The following ARL15 variants were observed in gnomAD, a reference collection of about 807,000 sequenced individuals.
The protein encoded by ARL15 is ARF like GTPase 15, also known as ADP-ribosylation factor-like protein 15.
In ARL15, 19 loss-of-function variants were observed where a neutral mutation model predicts 25.2. That is an observed-to-expected ratio of 0.75 (90% CI 0.53 to 1.10). The LOEUF (loss-of-function observed/expected upper bound fraction) is 1.10, where lower values mean the gene tolerates loss of function less well. Ranked by LOEUF, ARL15 falls within the 50% of genes least tolerant of loss-of-function variation. ARL15 has a pLI of 0.00. For synonymous variants in ARL15, 94 were observed against 86.8 expected (o/e 1.08, Z -0.46); for missense variants, 220 against 246.0 (o/e 0.89, Z 0.71).
At position 54,032,907 on chromosome 5, in the gene ARL15, A is replaced by G. The variant is rs747332610; in HGVS notation, c.462+80295T>C. ...ATTAACAGGCCACCTTGAACTAAAAATGTTGGTTAATGTTTTACTTGATCC... is the reference window on the plus strand; with the variant it reads ...ATTAACAGGCCACCTTGAACTAAAAGTGTTGGTTAATGTTTTACTTGATCC... On this transcript the variant is annotated intron_variant, in intron 4 of 4. Transcript: ENST00000504924. 2.6e-5 allele frequency among the ~76,000 whole-genome samples: 4 copies of G among 152,200 alleles called. 1 individual carries two copies. The highest frequency in any genetic ancestry group is 4.1e-4 in the South Asian group (2 of 4,822).
intron 1 of ARL15, among the ~76,000 whole-genome samples, chr5:54,303,206 T>C (rs1325751142): frequency 1.3e-5 from 2 of 151,754 alleles, no homozygotes; most frequent in African/African-American, 4.9e-5. Flanking sequence ...CAAAAGAACA[T>C]AGCACAGTCT....
At chr5:54,072,576 T>C (rs1396231575) in intron 4 of ARL15, among the ~76,000 whole-genome samples, 1 of 152,180 alleles carries the variant, frequency 6.6e-6, no homozygotes, top group African/African-American at 2.4e-5. Context: ...ATATTTCCTA[T>C]CATACATACA....
intron 4 of ARL15, among the ~76,000 whole-genome samples, chr5:54,030,334 G>T (rs1290842058): frequency 6.6e-6 from 1 of 152,136 alleles, no homozygotes; most frequent in African/African-American, 2.4e-5. Flanking sequence ...AAAGGTTGTG[G>T]ACTGCTCCAT....
intron 4 of ARL15, among the ~76,000 whole-genome samples, chr5:53,983,792 TC>T (rs1748202131): frequency 6.6e-6 from 1 of 152,084 alleles, no homozygotes; most frequent in Non-Finnish European, 1.5e-5. Context: ...TCTCACGCAG[TC>T]CTCTGCCAGA....
chr5:53,909,574 C>T (rs1041472953), intron 4 of ARL15, among the ~76,000 whole-genome samples: 18 of 152,132 alleles, frequency 1.2e-4, no homozygotes, highest in African/African-American at 4.1e-4. Flanking sequence ...GGCGTGGTGG[C>T]GCATGCCTCT....
chr5:53,950,679 T>C (rs1212127959), intron 4 of ARL15, among the ~76,000 whole-genome samples: 1 of 152,178 alleles, frequency 6.6e-6, no homozygotes, highest in Non-Finnish European at 1.5e-5. Flanking sequence ...CCATGCTTTT[T>C]TTTTTCTCAG....
intron 2 of ARL15, among the ~76,000 whole-genome samples, chr5:54,157,994 G>T (rs1253547974): frequency 6.6e-6 from 1 of 152,084 alleles, no homozygotes; most frequent in African/African-American, 2.4e-5. Flanking sequence ...AGGATTAAAT[G>T]GAACTAAAAA....
chr5:54,049,597 T>TTTG (rs201609372), intron 4 of ARL15, among the ~76,000 whole-genome samples: 6 of 149,900 alleles, frequency 4.0e-5, no homozygotes, highest in Non-Finnish European at 5.9e-5. Context: ...ACACAGAGGT[T>TTTG]TTGTTGTTGT....
At chr5:53,977,409 GT>G (rs1240166696) in intron 4 of ARL15, among the ~76,000 whole-genome samples, 2 of 148,620 alleles carry the variant, frequency 1.3e-5, no homozygotes, top group African/African-American at 4.9e-5. Context: ...TTGTTTTAAT[GT>G]AGCACAGTAG....
At chr5:54,220,857 G>T (rs572845056) in intron 1 of ARL15, among the ~76,000 whole-genome samples, 1 of 151,986 alleles carries the variant, frequency 6.6e-6, no homozygotes, top group Admixed American at 6.6e-5. Flanking sequence ...GGTGAGATCC[G>T]CAGTGCCGAC....
At chr5:53,954,766 C>T (rs1747088864) in intron 4 of ARL15, among the ~76,000 whole-genome samples, 1 of 152,146 alleles carries the variant, frequency 6.6e-6, no homozygotes, top group African/African-American at 2.4e-5. Context: ...ATACTGCTAA[C>T]TAGGACCACA....
chr5:54,199,864 A>G lies in ARL15; in HGVS notation c.49-27936T>C, dbSNP rs1454934963. The stretch of plus-strand genomic sequence containing the variant: ...GCACACATATGTTTATGGCAGCACT[A>G]TTCACAATAGCAAAGACTTGGAACC... On this transcript the variant is annotated intron_variant, in intron 1 of 4. Transcript: ENST00000504924. Among the ~76,000 whole-genome samples the G allele has an allele frequency of 5.3e-5, 3 of 56,494 alleles. No individual in the cohort carries two copies. The East Asian group carries it at 6.5e-4, about 12-fold the overall frequency. The allele number at this position is 56,494 out of a possible 152,430, so 37.1% of individuals were successfully genotyped here. A position where few individuals can be genotyped will look rare whatever the true frequency, so the allele number is the denominator to read the frequency against.
chr5:54,069,822 C>T (rs1751364869), intron 4 of ARL15, among the ~76,000 whole-genome samples: 2 of 151,522 alleles, frequency 1.3e-5, no homozygotes, highest in South Asian at 4.2e-4. Flanking sequence ...TACAGGCATT[C>T]ACCACCACAT....
At chr5:54,157,624 C>T (rs1466456961) in intron 2 of ARL15, among the ~76,000 whole-genome samples, 1 of 151,950 alleles carries the variant, frequency 6.6e-6, no homozygotes, top group African/African-American at 2.4e-5. Flanking sequence ...TGTTAGCCAG[C>T]ATGGTCTCGA....
At chr5:54,295,867 C>T (rs1230987766) in intron 1 of ARL15, among the ~76,000 whole-genome samples, 10 of 152,140 alleles carry the variant, frequency 6.6e-5, no homozygotes, top group Admixed American at 6.6e-4. Context: ...AAGAGCTGGC[C>T]AATAAATCAC....
In ARL15 at chr5:54,087,205, G is replaced by A. The variant is rs186442937; in HGVS notation, c.462+25997C>T. Among the ~76,000 whole-genome samples the A allele has an allele frequency of 8.9e-4, 135 of 152,254 alleles. 1 individual carries two copies. The highest frequency in any genetic ancestry group is 3.0e-3 in the African/African-American group (123 of 41,550). On this transcript the variant is annotated intron_variant, in intron 4 of 4. Coordinates refer to ENST00000504924, the MANE Select transcript of ARL15 (RefSeq NM_019087.3). ...TAGCCAGGCGTGGTGGCAGGTGCCT[G>A]TAGTCCCAGCTACTCGGGAGGCTCA...
Position 54,171,987 on chromosome 5 carries a change from G to A in ARL15, c.49-59C>T, listed in dbSNP as rs147235019. On this transcript the variant is annotated intron_variant, in intron 1 of 4. Transcript: ENST00000504924. ...AATGACAGTATGGAAATAAACCATA[G>A]TCACATTTAAAATGACTGAGTAAGT... is the stretch of plus-strand genomic sequence containing the variant. 500 of 1,570,076 alleles carry A rather than the reference G, an allele frequency of 3.2e-4. 3 individuals carry two copies. The East Asian group carries it at 7.3e-3, about 23-fold the overall frequency.
At chr5:53,931,752 G>C (rs1746201626) in intron 4 of ARL15, among the ~76,000 whole-genome samples, 1 of 152,232 alleles carries the variant, frequency 6.6e-6, no homozygotes, top group Admixed American at 6.5e-5. Context: ...AGAATAAGTA[G>C]GGGTCAGACA....
intron 4 of ARL15, among the ~76,000 whole-genome samples, chr5:54,043,595 G>A (rs181822847): frequency 2.0e-5 from 3 of 152,222 alleles, no homozygotes; most frequent in African/African-American, 4.8e-5. Flanking sequence ...TAGAAGTCAT[G>A]GAAATTAGAT....
Sources: gnomAD v4.1 joint callset for allele counts (sites outside exome capture counted in the v4.1 genomes callset) on GRCh38, gnomAD v4.1.1 for gene constraint, MANE v1.5 for transcripts, NCBI Gene and HGNC (gene_info 2026-07-23, HGNC 2026-07-21) for gene names.